The following CLASP1 variants were observed in gnomAD, a reference collection of about 807,000 sequenced individuals.
CLASP1 encodes cytoplasmic linker associated protein 1.
Under a neutral mutation model 192.3 loss-of-function variants are expected in CLASP1, and 38 were observed. The ratio of observed to expected loss-of-function variants is 0.20; its 90% CI spans 0.15 to 0.26. CLASP1 has a LOEUF of 0.26. Among genes scored for constraint, CLASP1 ranks in the 10% least tolerant of loss-of-function variants. The probability of loss-of-function intolerance (pLI) is 1.00; values close to 1 mark genes in which losing one functional copy is unlikely to be tolerated. For missense variants in CLASP1, 1,433 were observed against 1,932.5 expected, an observed-to-expected ratio of 0.74 and a Z score of 4.85; for synonymous variants, 691 against 712.8, an observed-to-expected ratio of 0.97 and a Z score of 0.49.
intron 39 of CLASP1, 70 bp downstream of exon 40, chr2:121,346,968 A>G (rs1340926121): frequency 1.1e-6 from 1 of 903,090 alleles, no homozygotes; most frequent in Non-Finnish European, 1.7e-6. Flanking sequence ...CCAGAGCTGC[A>G]GTCAAATGGA....
chr2:121,387,370 G>T, intron 31 of CLASP1, 142 bp from the exon 33 acceptor site: 1 of 603,218 alleles, frequency 1.7e-6, no homozygotes, highest in Non-Finnish European at 2.8e-6. Flanking sequence ...AGAATCATAA[G>T]GCCAATTTTA....
At chr2:121,570,928 A>G (rs1363478106) in intron 2 of CLASP1, among the ~76,000 whole-genome samples, 1 of 152,062 alleles carries the variant, frequency 6.6e-6, no homozygotes, top group Admixed American at 6.6e-5. Flanking sequence ...ATGAGAAATG[A>G]AAGTCACCCA....
chr2:121,606,246 A>G, intron 1 of CLASP1, 66 bp from the exon 2 acceptor site: 1 of 382,800 alleles, frequency 2.6e-6, no homozygotes, highest in African/African-American at 2.1e-5. Context: ...GTTATGAAAC[A>G]TTAAATCAAA....
At chr2:121,339,754 A>C (rs887388110) in exon 40 of CLASP1, 1 of 152,214 alleles carries the variant, frequency 6.6e-6, no homozygotes, top group Non-Finnish European at 1.5e-5. Context: ...CAGACATTCA[A>C]GGAACTACTT....
intron 1 of CLASP1, among the ~76,000 whole-genome samples, chr2:121,618,473 C>T (rs1039371411): frequency 2.6e-5 from 4 of 152,228 alleles, no homozygotes; most frequent in Non-Finnish European, 5.9e-5. Context: ...GAACTGGTTC[C>T]CAACCTGTAA....
intron 14 of CLASP1, among the ~76,000 whole-genome samples, chr2:121,457,109 G>A (rs2086828322): frequency 6.6e-6 from 1 of 152,094 alleles, no homozygotes; most frequent in African/African-American, 2.4e-5. Context: ...ATAAGATAGG[G>A]ACTTGGGAAC....
In CLASP1 at chr2:121,591,603, T is replaced by G. The variant is rs541337850; in HGVS notation, c.195+14098A>C. On this transcript the variant is annotated intron_variant, in intron 2 of 39. Transcript: ENST00000263710. Reference sequence around the variant, plus strand: ...TGATTGCCCTCAGGGCTCCTCCACCTAGGAAACGTGCTCAGCCTCGCTGGT... The same window carrying G: ...TGATTGCCCTCAGGGCTCCTCCACCGAGGAAACGTGCTCAGCCTCGCTGGT... Among the ~76,000 whole-genome samples the G allele has an allele frequency of 7.2e-5, 11 of 152,278 alleles. No individual in the cohort carries two copies. In the South Asian group the frequency reaches 2.1e-3, roughly 29 times the overall value.
At chr2:121,622,360 C>G (rs2067511461) in intron 1 of CLASP1, among the ~76,000 whole-genome samples, 1 of 151,586 alleles carries the variant, frequency 6.6e-6, no homozygotes, top group Non-Finnish European at 1.5e-5. Flanking sequence ...CACTTGAATT[C>G]AGGAGTTTGA....
At chr2:121,384,769 T>A (rs2072807393) in intron 32 of CLASP1, among the ~76,000 whole-genome samples, 1 of 152,086 alleles carries the variant, frequency 6.6e-6, no homozygotes, top group Non-Finnish European at 1.5e-5. Flanking sequence ...TAGTCCCAGC[T>A]ACTCAGGAGG....
intron 23 of CLASP1, among the ~76,000 whole-genome samples, chr2:121,413,362 T>C (rs1226748116): frequency 6.6e-6 from 1 of 152,238 alleles, no homozygotes; most frequent in African/African-American, 2.4e-5. Flanking sequence ...TAACAATTGT[T>C]ACCATCAATG....
At chr2:121,460,978 T>A in intron 11 of CLASP1, 123 bp downstream of exon 11, 1 of 651,436 alleles carries the variant, frequency 1.5e-6, no homozygotes, top group Non-Finnish European at 2.7e-6. Context: ...ATAAATATGA[T>A]AATTTGAACT....
intron 23 of CLASP1, among the ~76,000 whole-genome samples, chr2:121,418,341 G>T (rs1417572279): frequency 2.0e-5 from 3 of 152,224 alleles, no homozygotes; most frequent in Non-Finnish European, 2.9e-5. Flanking sequence ...TTTGCCTTAG[G>T]TTAGAAATTA....
rs1167068739 is a variant in CLASP1 at position 121,518,227 on chromosome 2, G to A, written c.547-2465C>T. 1.5e-3 allele frequency among the ~76,000 whole-genome samples: 132 copies of A among 90,334 alleles called. 1 individual carries two copies. The highest frequency in any genetic ancestry group is 6.7e-3 in the African/African-American group (124 of 18,638). The allele number at this position is 90,334 out of a possible 152,430, so 59.3% of individuals were successfully genotyped here. ...GCCTGGGTGACAGAGCGAGACCCCC[G>A]TCTCAAAAAAAAAAAAAAAAAAAAA... On this transcript the variant is annotated intron_variant, in intron 6 of 39. Coordinates refer to ENST00000263710, the Ensembl canonical transcript of CLASP1.
intron 9 of CLASP1, 99 bp downstream of exon 9, chr2:121,469,709 T>TATA (rs2090322241): frequency 7.7e-6 from 9 of 1,164,992 alleles, no homozygotes; most frequent in Non-Finnish European, 1.1e-5. Flanking sequence ...ATATGGGGAC[T>TATA]GTATCACTTC....
intron 8 of CLASP1, among the ~76,000 whole-genome samples, chr2:121,498,100 T>C (rs919126817): frequency 6.6e-6 from 1 of 152,110 alleles, no homozygotes; most frequent in Non-Finnish European, 1.5e-5. Flanking sequence ...GCTCAGGCAA[T>C]CTGCCTGCCT....
chr2:121,586,828 T>A (rs1216527226), intron 2 of CLASP1, among the ~76,000 whole-genome samples: 1 of 152,194 alleles, frequency 6.6e-6, no homozygotes, highest in African/African-American at 2.4e-5. Context: ...GTATGTACTG[T>A]GAAGCGCACT....
chr2:121,542,842 T>C (rs1223578785), intron 2 of CLASP1, among the ~76,000 whole-genome samples: 1 of 152,238 alleles, frequency 6.6e-6, no homozygotes, highest in Non-Finnish European at 1.5e-5. Context: ...AACCACTTTC[T>C]TTTATTACAC....
chr2:121,622,289 G>A (rs149866295), intron 1 of CLASP1, among the ~76,000 whole-genome samples: 32 of 151,818 alleles, frequency 2.1e-4, no homozygotes, highest in Admixed American at 1.7e-3. Context: ...TGTAAGTTCC[G>A]GCCAGGCACA....
chr2:121,531,434 A>AAATT (rs558564738), intron 2 of CLASP1, among the ~76,000 whole-genome samples: 389 of 151,336 alleles, frequency 2.6e-3, no homozygotes, highest in South Asian at 3.8e-3. Flanking sequence ...TCTCTCCTAA[A>AAATT]AATACAAAAA....
Sources: gnomAD v4.1 joint callset for allele counts (sites outside exome capture counted in the v4.1 genomes callset) on GRCh38, gnomAD v4.1.1 for gene constraint, MANE v1.5 for transcripts, NCBI Gene and HGNC (gene_info 2026-07-23, HGNC 2026-07-21) for gene names.